The following ALPK1 variants were observed in gnomAD, a reference collection of about 807,000 sequenced individuals.
ALPK1 encodes alpha-protein kinase 1.
In ALPK1, 110 loss-of-function variants were observed where a neutral mutation model predicts 120.6. The ratio of observed to expected loss-of-function variants is 0.91; its 90% CI spans 0.78 to 1.07. The LOEUF is 1.07. Among genes scored for constraint, ALPK1 ranks in the 50% least tolerant of loss-of-function variants. The pLI is 0.00. For synonymous variants in ALPK1, 582 were observed against 560.3 expected, an observed-to-expected ratio of 1.04 and a Z score of -0.55; for missense variants, 1,498 against 1,483.9, an observed-to-expected ratio of 1.01 and a Z score of -0.16.
At position 112,435,248 on chromosome 4, in the gene ALPK1, A is replaced by C; in HGVS notation, c.3135A>C (p.Arg1045Ser). The C allele has an allele frequency of 6.2e-7, 1 of 1,613,852 alleles. No homozygotes were observed. The highest frequency in any genetic ancestry group is 2.2e-5 in the East Asian group (1 of 44,858). Residue 1045 changes from arginine to serine, a missense_variant, in exon 12 of 16, where the codon AGA becomes AGC. Arg to Ser is a moderately radical substitution (Grantham distance 110). Coordinates refer to ENST00000650871, the MANE Select transcript of ALPK1 (RefSeq NM_025144.4). ...ACTTGACTGTGAAGAAAAAAGGCAGACAAAGAAATGCTTTTTGGGTTCATC... is the reference window on the plus strand; with the variant it reads ...ACTTGACTGTGAAGAAAAAAGGCAGCCAAAGAAATGCTTTTTGGGTTCATC... The part of the protein sequence containing the change: ...GDYLTVKKKG[R>S]QRNAFWVHHL...
chr4:112,403,214 C>T (rs1011239989), intron 4 of ALPK1, among the ~76,000 whole-genome samples: 3 of 151,910 alleles, frequency 2.0e-5, no homozygotes, highest in Non-Finnish European at 2.9e-5. Context: ...CGCCCCCTCC[C>T]CGGCATACAT....
chr4:112,439,441 GA>G (rs1734930609), intron 13 of ALPK1, among the ~76,000 whole-genome samples: 1 of 152,150 alleles, frequency 6.6e-6, no homozygotes, highest in Non-Finnish European at 1.5e-5. Flanking sequence ...TTTAATATGT[GA>G]ATGACAATAA....
At chr4:112,357,933 C>T in intron 2 of ALPK1, 1 of 875,328 alleles carries the variant, frequency 1.1e-6, no homozygotes, top group East Asian at 2.5e-5. Flanking sequence ...TGGGTGCTTA[C>T]TAAGCAAGGA....
chr4:112,377,970 G>T, intron 3 of ALPK1, 72 bp downstream of exon 3: 2 of 1,456,738 alleles, frequency 1.4e-6, no homozygotes, highest in Non-Finnish European at 1.8e-6. Context: ...TGAACGACAC[G>T]TTCTTATCTC....
At position 112,429,185 on chromosome 4, in the gene ALPK1, G is replaced by A. The variant is rs760314074; in HGVS notation, c.832G>A (p.Ala278Thr). ...LKEFDHHLLS[A>T]AEACKLAAAF... is the part of the protein sequence containing the mutation. ...GGAGTTTGACCACCATTTGCTGTCC[G>A]CTGCAGAAGCCTGCAAGCTGGCAGC... The change falls in exon 10 of 16, where the codon GCT becomes ACT. Residue 278 changes from alanine (A) to threonine (T), a missense_variant. Physicochemically the swap from Ala to Thr is moderately conservative, Grantham distance 58. Transcript: ENST00000650871. The A allele has an allele frequency of 8.7e-6, 14 of 1,613,076 alleles. No individual in the cohort carries two copies. The highest frequency in any genetic ancestry group is 2.2e-5 in the East Asian group (1 of 44,874).
chr4:112,320,298 T>A (rs1728812174), intron 2 of ALPK1, among the ~76,000 whole-genome samples: 2 of 152,264 alleles, frequency 1.3e-5, no homozygotes, highest in South Asian at 4.1e-4. Flanking sequence ...TCTATTGACA[T>A]GATCATGTGA....
At chr4:112,321,160 GT>G (rs1212474591) in intron 2 of ALPK1, among the ~76,000 whole-genome samples, 2 of 151,912 alleles carry the variant, frequency 1.3e-5, no homozygotes. Flanking sequence ...GACTCCCAAA[GT>G]GCTAGGATTA....
chr4:112,324,094 A>G (rs1010659120), intron 2 of ALPK1, among the ~76,000 whole-genome samples: 7 of 152,012 alleles, frequency 4.6e-5, no homozygotes, highest in East Asian at 1.9e-4. Flanking sequence ...TTGGGAGGCC[A>G]AGGCGGGCGG....
Position 112,317,527 on chromosome 4 carries a change from T to G in ALPK1, c.-101+1675T>G, listed in dbSNP as rs151086471. Among the ~76,000 whole-genome samples the G allele has an allele frequency of 1.5e-3, 225 of 152,310 alleles. 1 individual carries two copies. The highest frequency in any genetic ancestry group is 5.2e-3 in the African/African-American group (215 of 41,578). On this transcript the variant is annotated intron_variant, in intron 2 of 15. Transcript: ENST00000650871. ...TTTCCTCATTGGATGGTCTTGGCAC[T>G]CTTGTTGGAAGTCATGTGACCCTAT...
chr4:112,377,152 A>T (rs1001151636), intron 2 of ALPK1, among the ~76,000 whole-genome samples: 4 of 152,192 alleles, frequency 2.6e-5, no homozygotes, highest in African/African-American at 9.6e-5. Flanking sequence ...TTACTTGGTA[A>T]TGTTCCTGGC....
intron 7 of ALPK1, 52 bp from the exon 8 acceptor site, chr4:112,426,415 A>G (rs925718902): frequency 2.9e-6 from 4 of 1,389,018 alleles, no homozygotes; most frequent in Non-Finnish European, 4.1e-6. Flanking sequence ...AAGAGCACAG[A>G]TACTAGCTGT....
intron 2 of ALPK1, among the ~76,000 whole-genome samples, chr4:112,344,211 C>T (rs565333296): frequency 2.1e-4 from 32 of 152,276 alleles, no homozygotes; most frequent in Non-Finnish European, 4.0e-4. Context: ...TAGCAAGTGG[C>T]ACTGCCATGT....
intron 2 of ALPK1, chr4:112,357,060 A>G: frequency 1.1e-6 from 1 of 921,246 alleles, no homozygotes; most frequent in Non-Finnish European, 1.8e-6. Context: ...CTGAACATGG[A>G]GCTGGAAGAC....
intron 4 of ALPK1, among the ~76,000 whole-genome samples, chr4:112,403,887 G>A (rs761438077): frequency 5.9e-5 from 9 of 152,222 alleles, no homozygotes; most frequent in Non-Finnish European, 1.0e-4. Flanking sequence ...ATTAGGCAGT[G>A]TTCTCTGCTC....
chr4:112,347,759 A>G (rs966120271), intron 2 of ALPK1, among the ~76,000 whole-genome samples: 1 of 152,272 alleles, frequency 6.6e-6, no homozygotes, highest in Non-Finnish European at 1.5e-5. Flanking sequence ...TATTTGATGC[A>G]TTAAACTTCT....
intron 8 of ALPK1, 67 bp from the exon 9 acceptor site, chr4:112,427,503 G>A: frequency 9.3e-7 from 1 of 1,079,570 alleles, no homozygotes; most frequent in Admixed American, 1.7e-5. Flanking sequence ...TAGCCTTTAG[G>A]CCATGGATGA....
Position 112,427,563 on chromosome 4 carries a change from C to T in ALPK1, c.700-7C>T, listed in dbSNP as rs1235168259. The T allele has an allele frequency of 5.0e-6, 8 of 1,610,892 alleles. No individual in the cohort carries two copies. Among genetic ancestry groups the T allele is most frequent in the Non-Finnish European group, 6.8e-6 (8 of 1,177,306 alleles). ...CGATCTGTGACTTCTTTGTGTTTTTCTTACAGGGCCTCTCCACGTCGCTAG... is the reference window on the plus strand; with the variant it reads ...CGATCTGTGACTTCTTTGTGTTTTTTTTACAGGGCCTCTCCACGTCGCTAG... On this transcript the variant is annotated splice_region_variant and splice_polypyrimidine_tract_variant and intron_variant, in intron 8 of 15. Coordinates refer to ENST00000650871, the MANE Select transcript of ALPK1 (RefSeq NM_025144.4).
intron 2 of ALPK1, among the ~76,000 whole-genome samples, chr4:112,324,500 C>CAGGGTCTA (rs1189205297): frequency 6.6e-6 from 1 of 151,844 alleles, no homozygotes; most frequent in African/African-American, 2.4e-5. Context: ...TTTTTTCAGA[C>CAGGGTCTA]AGGGTCTAAC....
intron 4 of ALPK1, among the ~76,000 whole-genome samples, chr4:112,399,113 G>A (rs1472109843): frequency 5.3e-5 from 8 of 152,258 alleles, no homozygotes; most frequent in Middle Eastern, 3.4e-3. Context: ...GTATTTAAAC[G>A]TGGGATTCAT....
Sources: gnomAD v4.1 joint callset for allele counts (sites outside exome capture counted in the v4.1 genomes callset) on GRCh38, gnomAD v4.1.1 for gene constraint, MANE v1.5 for transcripts, NCBI Gene and HGNC (gene_info 2026-07-23, HGNC 2026-07-21) for gene names.